The following AKAP3 variants were observed in gnomAD, a reference collection of about 807,000 sequenced individuals.
The protein encoded by AKAP3 is A-kinase anchoring protein 3.
Under a neutral mutation model 57.2 loss-of-function variants are expected in AKAP3, and 27 were observed. The ratio of observed to expected loss-of-function variants is 0.47; its 90% confidence interval spans 0.35 to 0.65. The LOEUF (loss-of-function observed/expected upper bound fraction) is 0.65, where lower values mean the gene tolerates loss of function less well. AKAP3 is among the 30% of genes least tolerant of loss of function. The pLI is 0.01. For synonymous variants in AKAP3, 334 were observed against 392.3 expected, an observed-to-expected ratio of 0.85 and a Z score of 1.76; for missense variants, 959 against 1,040.0, an observed-to-expected ratio of 0.92 and a Z score of 1.07.
intron 4 of AKAP3, among the ~76,000 whole-genome samples, chr12:4,636,828 C>T (rs149341314): frequency 2.5e-3 from 380 of 152,248 alleles, no homozygotes; most frequent in African/African-American, 8.5e-3. Context: ...CAGCTCACTA[C>T]GACCTCAAAC....
At chr12:4,622,219 T>C (rs1945355600) in intron 5 of AKAP3, among the ~76,000 whole-genome samples, 1 of 152,146 alleles carries the variant, frequency 6.6e-6, no homozygotes, top group Non-Finnish European at 1.5e-5. Flanking sequence ...GCAACTTAAA[T>C]GTTCAATGCT....
intron 3 of AKAP3, among the ~76,000 whole-genome samples, chr12:4,640,487 G>A (rs1046792861): frequency 6.6e-6 from 1 of 152,056 alleles, no homozygotes; most frequent in African/African-American, 2.4e-5. Context: ...CTGTGGTGAG[G>A]GTAGACGTCC....
At chr12:4,635,405 T>C in intron 4 of AKAP3, 2 of 724,374 alleles carry the variant, frequency 2.8e-6, no homozygotes, top group South Asian at 1.5e-5. Flanking sequence ...CTCCTCTTTT[T>C]CTGGCAGAAT....
In AKAP3 at chr12:4,628,010, C is replaced by A; in HGVS notation, c.892G>T (p.Val298Phe). The A allele has an allele frequency of 6.2e-7, 1 of 1,614,014 alleles. No homozygotes were observed. Among genetic ancestry groups the A allele is most frequent in the Non-Finnish European group, 8.5e-7 (1 of 1,179,960 alleles). ...ATCTTCAGTGTCTTCATGATGGAGACCATCATATCAGATACCACACTGTTA... is the reference window on the plus strand; with the variant it reads ...ATCTTCAGTGTCTTCATGATGGAGAACATCATATCAGATACCACACTGTTA... The part of the protein sequence containing the change: ...YANSVVSDMM[V>F]SIMKTLKIQV... The change falls in exon 5 of 6, where the codon GTC becomes TTC. Residue 298 changes from valine to phenylalanine, a missense_variant. Coordinates refer to ENST00000228850, the MANE Select transcript of AKAP3 (RefSeq NM_001278309.2).
chr12:4,625,692 T>TGAGAAA lies in AKAP3; in HGVS notation c.2406+803_2406+804insTTTCTC, dbSNP rs1945403101. On this transcript the variant is annotated intron_variant, in intron 5 of 5. Coordinates refer to ENST00000228850, the MANE Select transcript of AKAP3 (RefSeq NM_001278309.2). The surrounding 1 kb of genome is among the most constrained non-coding windows in gnomAD (Gnocchi z 5.4). ...ATCAAAAGCACTGAGGAAGAGAAAATGAGAGAGAGAGAGAGAGAGAGAGAG... is the reference window on the plus strand; with the variant it reads ...ATCAAAAGCACTGAGGAAGAGAAAATGAGAAAGAGAGAGAGAGAGAGAGAGAGAGAG... Among the ~76,000 whole-genome samples, 1 of 146,392 alleles carries TGAGAAA rather than the reference T, an allele frequency of 6.8e-6. No homozygotes were observed. The highest frequency in any genetic ancestry group is 2.5e-5 in the African/African-American group (1 of 39,802).
chr12:4,644,167 A>G (rs1021873901), intron 2 of AKAP3, among the ~76,000 whole-genome samples: 1 of 152,104 alleles, frequency 6.6e-6, no homozygotes, highest in Non-Finnish European at 1.5e-5. Context: ...TTTCCGGTGG[A>G]AAGTCTTTAT....
At chr12:4,633,145 C>T (rs1259211125) in intron 4 of AKAP3, among the ~76,000 whole-genome samples, 1 of 150,726 alleles carries the variant, frequency 6.6e-6, no homozygotes, top group Non-Finnish European at 1.5e-5. Context: ...AAACCCAAAC[C>T]TGTTGGGTGC....
At position 4,615,651 on chromosome 12, in the gene AKAP3, T is replaced by C; in HGVS notation, c.*88A>G. Reference sequence around the variant, plus strand: ...ATAATGTTAGGGCTCTGTGAGGATATAGAGGGGGAGATGTGGAAGTGAGAA... The same window carrying C: ...ATAATGTTAGGGCTCTGTGAGGATACAGAGGGGGAGATGTGGAAGTGAGAA... On this transcript the variant is annotated 3_prime_UTR_variant, in exon 6 of 6. Transcript: ENST00000228850. 2.0e-6 allele frequency: 3 copies of C among 1,471,068 alleles called. No individual in the cohort carries two copies. The Admixed American group carries it at 5.7e-5, about 28-fold the overall frequency. The allele number at this position is 1,471,068 out of a possible 1,614,324, so 91.1% of individuals were successfully genotyped here. A position where few individuals can be genotyped will look rare whatever the true frequency, so the allele number is the denominator to read the frequency against.
chr12:4,627,047 C>G lies in AKAP3; in HGVS notation c.1855G>C (p.Glu619Gln), dbSNP rs1945425414. 3 of 1,613,876 alleles carry G rather than the reference C, an allele frequency of 1.9e-6. No homozygotes were observed. ...RDQSPEPKVP[E>Q]QPVKEDRKLC... The stretch of plus-strand genomic sequence containing the variant: ...TTCCTATCTTCCTTAACTGGCTGTT[C>G]CGGCACCTTGGGTTCAGGGCTCTGG... The change falls in exon 5 of 6, where the codon GAA becomes CAA. Residue 619 changes from glutamate (E) to glutamine (Q), a missense_variant. Coordinates refer to ENST00000228850, the MANE Select transcript of AKAP3 (RefSeq NM_001278309.2).
intron 5 of AKAP3, among the ~76,000 whole-genome samples, chr12:4,622,185 G>A (rs1206299259): frequency 6.6e-6 from 1 of 152,136 alleles, no homozygotes; most frequent in Admixed American, 6.6e-5. Flanking sequence ...AGTCAATATT[G>A]TTAAAATGGT....
intron 4 of AKAP3, chr12:4,636,159 C>T: frequency 4.5e-6 from 3 of 660,382 alleles, no homozygotes; most frequent in Non-Finnish European, 8.0e-6. Context: ...CCTCGATTAG[C>T]CATGTTCACA....
chr12:4,642,116 T>A (rs545022317), intron 2 of AKAP3, 112 bp from the exon 3 acceptor site: 1 of 152,234 alleles, frequency 6.6e-6, no homozygotes, highest in Non-Finnish European at 1.5e-5. Flanking sequence ...ATTTAAGTAA[T>A]GAGCTCAAAA....
chr12:4,639,101 T>C (rs1051266482), intron 3 of AKAP3, among the ~76,000 whole-genome samples: 21 of 152,236 alleles, frequency 1.4e-4, no homozygotes, highest in African/African-American at 4.6e-4. Flanking sequence ...TATATGTACA[T>C]ACCTATTATA....
chr12:4,625,366 T>C lies in AKAP3; in HGVS notation c.2406+1130A>G, dbSNP rs1323432100. On this transcript the variant is annotated intron_variant, in intron 5 of 5. Coordinates refer to ENST00000228850, the MANE Select transcript of AKAP3 (RefSeq NM_001278309.2). The surrounding 1 kb of genome is among the most constrained non-coding windows in gnomAD (Gnocchi z 5.4). The stretch of plus-strand genomic sequence containing the variant: ...CACAGACTACACTTTAAGTAGCACG[T>C]GTAGTCTTTTTAAGACCAAAGTCAA... Among the ~76,000 whole-genome samples, 1 of 152,206 alleles carries C rather than the reference T, an allele frequency of 6.6e-6. No homozygotes were observed. The highest frequency in any genetic ancestry group is 2.4e-5 in the African/African-American group (1 of 41,460).
chr12:4,636,121 G>A (rs1945562426), intron 4 of AKAP3: 2 of 994,372 alleles, frequency 2.0e-6, no homozygotes, highest in Non-Finnish European at 3.2e-6. Flanking sequence ...TTTATTTCCA[G>A]TATTTGAGCC....
chr12:4,636,387 T>C (rs1373269586), intron 4 of AKAP3, among the ~76,000 whole-genome samples: 1 of 152,234 alleles, frequency 6.6e-6, no homozygotes, highest in Admixed American at 6.5e-5. Flanking sequence ...ATTTCTACTT[T>C]GATATGTGTA....
intron 3 of AKAP3, among the ~76,000 whole-genome samples, chr12:4,638,657 C>G (rs892106075): frequency 6.6e-6 from 1 of 152,180 alleles, no homozygotes; most frequent in African/African-American, 2.4e-5. Context: ...TAATTAATTT[C>G]TAAAGCTGTT....
Position 4,626,568 on chromosome 12 carries a change from T to C in AKAP3, c.2334A>G (p.Gln778=), listed in dbSNP as rs2072359. 83,905 of 1,614,130 alleles carry C rather than the reference T, an allele frequency of 0.052. 4,881 individuals are homozygous for C. The highest frequency in any genetic ancestry group is 0.28 in the East Asian group (12,496 of 44,874). ...CATTGAGCTCAGAGGCAGCTACCCA[T>C]TGAAGGACGGCTTGGAGTTGCTTGT... ...VQNKQLQAVL[Q]WVAASELNVP... Residue 778 remains glutamine, a synonymous_variant, in exon 5 of 6, where the codon CAA becomes CAG. Transcript: ENST00000228850.
intron 4 of AKAP3, among the ~76,000 whole-genome samples, chr12:4,637,771 CCT>C (rs1032087747): frequency 2.0e-5 from 3 of 152,008 alleles, no homozygotes; most frequent in Non-Finnish European, 4.4e-5. Flanking sequence ...ATCTCCAATT[CCT>C]CTCTGTTTGA....
Sources: allele counts gnomAD v4.1 joint callset (sites outside exome capture counted in the v4.1 genomes callset), GRCh38; gene constraint gnomAD v4.1.1; non-coding constraint Gnocchi (gnomAD v3.1); transcripts MANE v1.5; gene names NCBI Gene and HGNC (gene_info 2026-07-23, HGNC 2026-07-21).